TMEM131: variants seen among roughly 807,000 people sequenced by gnomAD.
TMEM131 encodes 2610524E03Rik.
In TMEM131, 66 loss-of-function variants were observed where a neutral mutation model predicts 211.6. The ratio of observed to expected loss-of-function variants is 0.31; its 90% CI spans 0.26 to 0.38. TMEM131 has a LOEUF of 0.38. Ranked by LOEUF, TMEM131 falls within the 10% of genes least tolerant of loss-of-function variation. The probability of loss-of-function intolerance (pLI) is 1.00; values close to 1 mark genes in which losing one functional copy is unlikely to be tolerated. For missense variants in TMEM131, 2,036 were observed against 2,299.3 expected (o/e 0.89, Z 2.34); for synonymous variants, 844 against 841.3 (o/e 1.00, Z -0.06).
rs191609553 is a variant in TMEM131 at position 97,874,153 on chromosome 2, G to C, written c.359+13899C>G. On this transcript the variant is annotated intron_variant, in intron 4 of 40. Transcript: ENST00000186436. ...TTGAAGATCAACTTAATGAAATAAAGAGCAAAGACAAGATTAGAGAAAAAG... is the reference window on the plus strand; with the variant it reads ...TTGAAGATCAACTTAATGAAATAAACAGCAAAGACAAGATTAGAGAAAAAG... Among the ~76,000 whole-genome samples the C allele has an allele frequency of 2.6e-5, 4 of 151,302 alleles. No homozygotes were observed. The East Asian group carries it at 7.7e-4, about 29-fold the overall frequency.
intron 28 of TMEM131, 94 bp from the exon 29 acceptor site, chr2:97,795,209 C>T: frequency 1.1e-6 from 1 of 877,390 alleles, no homozygotes; most frequent in Non-Finnish European, 1.7e-6. Context: ...TGAAATATAA[C>T]ACAGAATTTG....
chr2:97,888,376 T>C (rs193255210), intron 3 of TMEM131, among the ~76,000 whole-genome samples: 2 of 152,364 alleles, frequency 1.3e-5, no homozygotes, highest in African/African-American at 4.8e-5. Flanking sequence ...AGACTGAATG[T>C]TGAAATTTAT....
At chr2:97,829,390 A>C (rs1223686406) in intron 11 of TMEM131, among the ~76,000 whole-genome samples, 2 of 149,836 alleles carry the variant, frequency 1.3e-5, no homozygotes, top group Admixed American at 1.3e-4. Flanking sequence ...AAAACGCACC[A>C]ATCAGCGCTC....
chr2:97,965,990 T>C (rs1462639886), intron 1 of TMEM131, among the ~76,000 whole-genome samples: 1 of 151,880 alleles, frequency 6.6e-6, no homozygotes, highest in Non-Finnish European at 1.5e-5. Flanking sequence ...AAAGAGAAAG[T>C]AAGCAAAGCC....
At chr2:97,987,678 T>A (rs1282109280) in intron 1 of TMEM131, among the ~76,000 whole-genome samples, 1 of 152,184 alleles carries the variant, frequency 6.6e-6, no homozygotes, top group Non-Finnish European at 1.5e-5. Context: ...CTATTAATGA[T>A]ACACTGATTA....
At chr2:97,791,088 G>A (rs894204735) in intron 31 of TMEM131, among the ~76,000 whole-genome samples, 1 of 152,186 alleles carries the variant, frequency 6.6e-6, no homozygotes, top group Admixed American at 6.5e-5. Context: ...ATATTAGCAT[G>A]GCTGCCACAA....
At chr2:97,773,484 C>T (rs1297324205) in intron 32 of TMEM131, among the ~76,000 whole-genome samples, 6 of 152,110 alleles carry the variant, frequency 3.9e-5, no homozygotes, top group Non-Finnish European at 5.9e-5. Flanking sequence ...CGGCCACATC[C>T]AAGACGCATC....
At chr2:97,833,177 T>C (rs952849617) in intron 11 of TMEM131, among the ~76,000 whole-genome samples, 188 bp downstream of exon 11, 2 of 152,200 alleles carry the variant, frequency 1.3e-5, no homozygotes, top group African/African-American at 4.8e-5. Context: ...TGCCCATTTC[T>C]CTCTCATCCT....
At chr2:97,811,710 G>C (rs189631835) in intron 17 of TMEM131, among the ~76,000 whole-genome samples, 104 of 152,342 alleles carry the variant, frequency 6.8e-4, no homozygotes, top group African/African-American at 2.5e-3. Context: ...CCACGGAAAC[G>C]TGTTTGTCAA....
intron 5 of TMEM131, among the ~76,000 whole-genome samples, chr2:97,845,136 A>C (rs1181304537): frequency 6.6e-6 from 1 of 151,726 alleles, no homozygotes; most frequent in Non-Finnish European, 1.5e-5. Context: ...CAAAAGAATA[A>C]TTACAATAAT....
chr2:97,972,740 A>G (rs1679363304), intron 1 of TMEM131, among the ~76,000 whole-genome samples: 2 of 152,256 alleles, frequency 1.3e-5, no homozygotes, highest in Admixed American at 1.3e-4. Context: ...GGTGGGCCCA[A>G]TGTCCTTAAA....
intron 2 of TMEM131, among the ~76,000 whole-genome samples, chr2:97,915,515 T>A (rs1254559639): frequency 6.6e-6 from 1 of 152,136 alleles, no homozygotes; most frequent in African/African-American, 2.4e-5. Context: ...TACTTACTTT[T>A]TATTTTACTA....
Position 97,828,950 on chromosome 2 carries a change from C to T in TMEM131, c.1074+4415G>A, listed in dbSNP as rs954781241. On this transcript the variant is annotated intron_variant, in intron 11 of 40. Coordinates refer to ENST00000186436, the MANE Select transcript of TMEM131 (RefSeq NM_015348.2). ...TTCCTCTACGATCGAGGCCATCAAG[C>T]TACAGATGGTCTTACAAATGGAACC... 5.9e-5 allele frequency among the ~76,000 whole-genome samples: 9 copies of T among 152,202 alleles called. 1 individual carries two copies. The highest frequency in any genetic ancestry group is 4.6e-4 in the Admixed American group (7 of 15,278).
intron 14 of TMEM131, 29 bp from the exon 15 acceptor site, chr2:97,814,170 A>G (rs1359370640): frequency 3.1e-6 from 5 of 1,612,348 alleles, no homozygotes; most frequent in South Asian, 1.1e-5. Flanking sequence ...GAAAAAAAAC[A>G]AAGTGTCAGC....
At chr2:97,946,179 C>T (rs1367422592) in intron 1 of TMEM131, among the ~76,000 whole-genome samples, 1 of 151,778 alleles carries the variant, frequency 6.6e-6, no homozygotes, top group Non-Finnish European at 1.5e-5. Flanking sequence ...ATTGCATACT[C>T]ATATATAATC....
At chr2:97,774,845 A>G (rs1679639282) in intron 32 of TMEM131, among the ~76,000 whole-genome samples, 1 of 152,198 alleles carries the variant, frequency 6.6e-6, no homozygotes, top group Non-Finnish European at 1.5e-5. Context: ...TAAACTACAG[A>G]GCTCCAGAAC....
At chr2:97,872,298 C>T (rs1399458256) in intron 4 of TMEM131, among the ~76,000 whole-genome samples, 1 of 152,036 alleles carries the variant, frequency 6.6e-6, no homozygotes, top group Non-Finnish European at 1.5e-5. Flanking sequence ...GACTCTAACT[C>T]CATTTTTGAT....
intron 1 of TMEM131, among the ~76,000 whole-genome samples, chr2:97,961,840 A>T (rs1344258745): frequency 6.6e-6 from 1 of 152,248 alleles, no homozygotes; most frequent in Non-Finnish European, 1.5e-5. Flanking sequence ...GCACTTTAAA[A>T]AGTGAACTTA....
intron 2 of TMEM131, among the ~76,000 whole-genome samples, chr2:97,919,704 G>A (rs1334136559): frequency 6.6e-6 from 1 of 152,122 alleles, no homozygotes; most frequent in Non-Finnish European, 1.5e-5. Flanking sequence ...CTGAGTAGCT[G>A]GGATTACAGG....
Sources: allele counts gnomAD v4.1 joint callset (sites outside exome capture counted in the v4.1 genomes callset), GRCh38; gene constraint gnomAD v4.1.1; transcripts MANE v1.5; gene names NCBI Gene and HGNC (gene_info 2026-07-23, HGNC 2026-07-21).